RBFOX1: variants seen among roughly 807,000 people sequenced by gnomAD.
RBFOX1 encodes the protein RNA binding protein fox-1 homolog 1.
RBFOX1 carries 8 observed loss-of-function variants against 57.7 expected under a neutral mutation model. The observed-to-expected ratio is 0.14, with a 90% CI of 0.08 to 0.25. The LOEUF (loss-of-function observed/expected upper bound fraction) is 0.25. Ranked by LOEUF, RBFOX1 falls within the 10% of genes least tolerant of loss-of-function variation. The pLI is 1.00. For missense variants in RBFOX1, 611 were observed against 548.5 expected (o/e 1.11, Z -1.14); for synonymous variants, 326 against 222.4 (o/e 1.47, Z -4.15).
chr16:5,363,978 G>A (rs763749994), intron 1 of RBFOX1, among the ~76,000 whole-genome samples: 10 of 152,146 alleles, frequency 6.6e-5, no homozygotes, highest in Admixed American at 2.0e-4. Context: ...CCTTCATCCA[G>A]TGTGTGCAAT....
At chr16:5,502,059 T>C (rs556072829) in intron 2 of RBFOX1, among the ~76,000 whole-genome samples, 2 of 152,096 alleles carry the variant, frequency 1.3e-5, no homozygotes, top group Admixed American at 6.5e-5. Context: ...TTAATTGTTA[T>C]GATTACTGAG....
intron 4 of RBFOX1, among the ~76,000 whole-genome samples, chr16:7,270,106 A>G (rs968247731): frequency 7.2e-5 from 11 of 152,234 alleles, no homozygotes; most frequent in African/African-American, 2.7e-4. Context: ...TGAGAAGCTA[A>G]TACTTCTCGT....
chr16:5,465,835 G>C (rs575853148), intron 1 of RBFOX1, among the ~76,000 whole-genome samples: 1 of 152,206 alleles, frequency 6.6e-6, no homozygotes, highest in African/African-American at 2.4e-5. Context: ...GGACTGCAAG[G>C]GTTGAATGTG....
intron 4 of RBFOX1, among the ~76,000 whole-genome samples, chr16:7,177,000 A>T (rs1277955250): frequency 6.6e-6 from 1 of 152,184 alleles, no homozygotes; most frequent in African/African-American, 2.4e-5. Flanking sequence ...ATAAAAACTC[A>T]CTACCCCATG....
At position 6,280,226 on chromosome 16, in the gene RBFOX1, G is replaced by A. The variant is rs560247297; in HGVS notation, c.-126-36769G>A. 5.9e-5 allele frequency among the ~76,000 whole-genome samples: 9 copies of A among 152,146 alleles called. 1 individual carries two copies. Among genetic ancestry groups the A allele is most frequent in the Non-Finnish European group, 8.8e-5 (6 of 68,016 alleles). On this transcript the variant is annotated intron_variant, in intron 1 of 15. Coordinates refer to ENST00000550418, the MANE Select transcript of RBFOX1 (RefSeq NM_018723.4). ...TTGTCCAAAGACTCTCTGTTGGTCC[G>A]TGGCCTGAGTGGGATAAGCTGCATC...
At chr16:5,708,337 C>G (rs991199698) in intron 3 of RBFOX1, among the ~76,000 whole-genome samples, 9 of 152,240 alleles carry the variant, frequency 5.9e-5, no homozygotes, top group African/African-American at 9.6e-5. Context: ...AGACATAGTC[C>G]TGCCTCTCAA....
Position 7,566,490 on chromosome 16 carries a change from A to G in RBFOX1, c.271-13287A>G, listed in dbSNP as rs146105514. On this transcript the variant is annotated intron_variant, in intron 5 of 15. Transcript: ENST00000550418. ...CGAAAAGAGTTTAGGATACGGAATT[A>G]GATATCCTAAGTTCAAACCTTCCAT... Among the ~76,000 whole-genome samples the G allele has an allele frequency of 2.1e-3, 317 of 152,302 alleles. 2 individuals are homozygous for G. The highest frequency in any genetic ancestry group is 7.0e-3 in the African/African-American group (290 of 41,556).
chr16:6,696,229 T>C (rs1349210574), intron 3 of RBFOX1, among the ~76,000 whole-genome samples: 1 of 152,234 alleles, frequency 6.6e-6, no homozygotes, highest in African/African-American at 2.4e-5. Context: ...AGGTATACAA[T>C]ATCTGTTTGT....
intron 3 of RBFOX1, among the ~76,000 whole-genome samples, chr16:6,732,479 G>A (rs1380979892): frequency 1.3e-5 from 2 of 152,326 alleles, no homozygotes; most frequent in East Asian, 3.9e-4. Flanking sequence ...GATTCATTGA[G>A]TATCTCTTCC....
chr16:7,304,370 G>T (rs943190008), intron 4 of RBFOX1: 5 of 985,406 alleles, frequency 5.1e-6, no homozygotes, highest in Non-Finnish European at 6.0e-6. Context: ...GGGCTCGGCG[G>T]GCGCCAGAGA....
At chr16:6,505,234 T>G (rs2096059576) in intron 2 of RBFOX1, among the ~76,000 whole-genome samples, 1 of 152,218 alleles carries the variant, frequency 6.6e-6, no homozygotes, top group Non-Finnish European at 1.5e-5. Flanking sequence ...TTTTATGTAG[T>G]TGTCACTTTC....
chr16:5,312,957 G>T (rs936794604), intron 1 of RBFOX1, among the ~76,000 whole-genome samples: 4 of 152,176 alleles, frequency 2.6e-5, no homozygotes, highest in African/African-American at 7.2e-5. Flanking sequence ...AGCAGCAGTA[G>T]GCGCTTATTT....
intron 3 of RBFOX1, among the ~76,000 whole-genome samples, chr16:6,689,991 G>C (rs541726612): frequency 6.6e-6 from 1 of 152,298 alleles, no homozygotes; most frequent in Non-Finnish European, 1.5e-5. Context: ...TAGAAAATCA[G>C]CTTTGGGTAT....
At chr16:7,452,718 T>C (rs960783726) in intron 4 of RBFOX1, among the ~76,000 whole-genome samples, 9 of 152,186 alleles carry the variant, frequency 5.9e-5, no homozygotes, top group East Asian at 1.9e-4. Flanking sequence ...AATGATTCCC[T>C]ATTCTTAGGA....
At chr16:7,031,791 G>C (rs2042869050) in intron 3 of RBFOX1, among the ~76,000 whole-genome samples, 1 of 152,076 alleles carries the variant, frequency 6.6e-6, no homozygotes, top group Non-Finnish European at 1.5e-5. Flanking sequence ...GATGCAGATG[G>C]CTTGTGTCTC....
chr16:6,510,988 C>T (rs2096245066), intron 2 of RBFOX1, among the ~76,000 whole-genome samples: 1 of 152,104 alleles, frequency 6.6e-6, no homozygotes, highest in South Asian at 2.1e-4. Flanking sequence ...CGGCAGCATC[C>T]AATGCTGTCA....
chr16:6,448,490 C>T (rs897967288), intron 2 of RBFOX1, among the ~76,000 whole-genome samples: 8 of 152,210 alleles, frequency 5.3e-5, no homozygotes, highest in East Asian at 3.9e-4. Flanking sequence ...TTTGACATTT[C>T]GGGCTAGATG....
At chr16:6,057,080 G>A (rs1025235412) in intron 1 of RBFOX1, 2 of 136,950 alleles carry the variant, frequency 1.5e-5, no homozygotes, top group Admixed American at 1.5e-4. Flanking sequence ...AACACAGGAG[G>A]GGGGGGAATA....
chr16:7,673,767 T>C (rs2072373049), intron 13 of RBFOX1, among the ~76,000 whole-genome samples: 1 of 152,242 alleles, frequency 6.6e-6, no homozygotes, highest in Non-Finnish European at 1.5e-5. Context: ...CTGCCCATCC[T>C]GTGAAGAAAT....
Sources: allele counts gnomAD v4.1 joint callset (sites outside exome capture counted in the v4.1 genomes callset), GRCh38; gene constraint gnomAD v4.1.1; transcripts MANE v1.5; gene names NCBI Gene and HGNC (gene_info 2026-07-23, HGNC 2026-07-21).